Variants in SLC35F4 observed in about 807,000 individuals in gnomAD.
The protein encoded by SLC35F4 is chromosome 14 open reading frame 36.
Under a neutral mutation model 44.2 loss-of-function variants are expected in SLC35F4, and 24 were observed. The ratio of observed to expected loss-of-function variants is 0.54; its 90% CI spans 0.39 to 0.76. The LOEUF is 0.76. Ranked by LOEUF, SLC35F4 falls within the 30% of genes least tolerant of loss-of-function variation. SLC35F4 has a pLI of 0.00. For synonymous variants in SLC35F4, 238 were observed against 223.6 expected, an observed-to-expected ratio of 1.06 and a Z score of -0.57; for missense variants, 562 against 586.1, an observed-to-expected ratio of 0.96 and a Z score of 0.42.
chr14:57,886,764 A>G (rs1888657648), intron 1 of SLC35F4, among the ~76,000 whole-genome samples: 1 of 152,178 alleles, frequency 6.6e-6, no homozygotes. Context: ...GCCGAAAAAA[A>G]AAAATGGGTC....
chr14:57,905,792 C>T (rs553122460), intron 1 of SLC35F4, among the ~76,000 whole-genome samples: 50 of 151,990 alleles, frequency 3.3e-4, no homozygotes, highest in Non-Finnish European at 6.8e-4. Flanking sequence ...AGGAGGTCAA[C>T]ATGAAAAAGA....
chr14:57,696,879 G>C (rs1351349770), intron 1 of SLC35F4, among the ~76,000 whole-genome samples: 2 of 152,168 alleles, frequency 1.3e-5, no homozygotes, highest in Non-Finnish European at 2.9e-5. Flanking sequence ...GAGAACACAT[G>C]GGCACAGGGA....
intron 1 of SLC35F4, among the ~76,000 whole-genome samples, chr14:57,886,699 G>A (rs549126005): frequency 6.6e-6 from 1 of 152,136 alleles, no homozygotes; most frequent in South Asian, 2.1e-4. Context: ...ATAGCTAAAG[G>A]TAGAGGCCTC....
chr14:57,705,318 T>C (rs1293722092), intron 1 of SLC35F4, among the ~76,000 whole-genome samples: 2 of 152,186 alleles, frequency 1.3e-5, no homozygotes, highest in Non-Finnish European at 2.9e-5. Flanking sequence ...AATTCATTTA[T>C]TTAGAACAAT....
At chr14:57,586,890 T>G (rs2069779994) in intron 3 of SLC35F4, among the ~76,000 whole-genome samples, 1 of 151,570 alleles carries the variant, frequency 6.6e-6, no homozygotes, top group African/African-American at 2.4e-5. Flanking sequence ...GAAAAAAATT[T>G]TGCAATCTAC....
intron 1 of SLC35F4, among the ~76,000 whole-genome samples, chr14:57,624,095 C>G (rs2072343472): frequency 6.6e-6 from 1 of 152,026 alleles, no homozygotes; most frequent in Admixed American, 6.5e-5. Context: ...CAAATAGACA[C>G]AATAAAAAAT....
At chr14:57,583,346 C>G (rs1465903145) in intron 3 of SLC35F4, among the ~76,000 whole-genome samples, 1 of 122,084 alleles carries the variant, frequency 8.2e-6, no homozygotes, top group Non-Finnish European at 1.7e-5. Context: ...GTGGGTTTAT[C>G]CCATCATTTA....
At chr14:57,886,583 T>C (rs1282827240) in intron 1 of SLC35F4, among the ~76,000 whole-genome samples, 1 of 152,134 alleles carries the variant, frequency 6.6e-6, no homozygotes, top group Non-Finnish European at 1.5e-5. Flanking sequence ...TTTCCATCAT[T>C]CTCCTTTCCT....
intron 1 of SLC35F4, among the ~76,000 whole-genome samples, chr14:57,855,622 A>C (rs1418891030): frequency 2.6e-5 from 4 of 152,188 alleles, no homozygotes; most frequent in African/African-American, 4.8e-5. Flanking sequence ...ATTGTGGAAG[A>C]CAGTGTGGCG....
In SLC35F4 at chr14:57,600,647, C is replaced by G. The variant is rs576029632; in HGVS notation, c.104-6523G>C. 6.7e-3 allele frequency among the ~76,000 whole-genome samples: 858 copies of G among 127,660 alleles called. 7 individuals are homozygous for G. The highest frequency in any genetic ancestry group is 0.024 in the African/African-American group (800 of 33,662). The allele number at this position is 127,660 out of a possible 152,430, so 83.7% of individuals were successfully genotyped here. On this transcript the variant is annotated intron_variant, in intron 1 of 7. Transcript: ENST00000556826. Reference sequence around the variant, plus strand: ...GCGGAGCTTGCAGTGAGCCGAGATCCCGCCACTGCACTCCAGCCTGGGCGA... The same window carrying G: ...GCGGAGCTTGCAGTGAGCCGAGATCGCGCCACTGCACTCCAGCCTGGGCGA...
chr14:57,567,612 G>A (rs1427242513), intron 6 of SLC35F4, among the ~76,000 whole-genome samples: 1 of 152,142 alleles, frequency 6.6e-6, no homozygotes, highest in African/African-American at 2.4e-5. Context: ...CAAGGCAGAG[G>A]GTCTTCCTAA....
At chr14:57,894,292 T>G (rs1449092465) in intron 1 of SLC35F4, among the ~76,000 whole-genome samples, 2 of 152,056 alleles carry the variant, frequency 1.3e-5, no homozygotes, top group African/African-American at 4.8e-5. Context: ...CATGTCATGT[T>G]CCAAGAAAAT....
chr14:57,596,492 CTT>C (rs1215222401), intron 1 of SLC35F4: 2 of 342,842 alleles, frequency 5.8e-6, no homozygotes, highest in African/African-American at 2.2e-5. Flanking sequence ...CTCCAAGAGT[CTT>C]TTAAAATTTA....
chr14:57,776,619 T>C (rs1426508817), intron 1 of SLC35F4, among the ~76,000 whole-genome samples: 1 of 132,172 alleles, frequency 7.6e-6, no homozygotes, highest in Non-Finnish European at 1.5e-5. Context: ...TCAGCCAAGA[T>C]CATGCCACTG....
chr14:57,824,833 T>G, intron 1 of SLC35F4, among the ~76,000 whole-genome samples: 1 of 152,090 alleles, frequency 6.6e-6, no homozygotes, highest in African/African-American at 2.4e-5. Flanking sequence ...TAGAGGCTAT[T>G]GTAAGGATTA....
At chr14:57,982,130 G>A (rs1881400273), upstream of SLC35F4, 1 of 152,130 alleles carries the variant, frequency 6.6e-6, no homozygotes, top group Non-Finnish European at 1.5e-5. Context: ...AGCAGACACG[G>A]TCAAAAGTGG....
chr14:57,591,925 T>C (rs2070210528), intron 2 of SLC35F4, among the ~76,000 whole-genome samples: 1 of 152,208 alleles, frequency 6.6e-6, no homozygotes, highest in African/African-American at 2.4e-5. Context: ...ACCACTATAC[T>C]ATGGGTGTGC....
At position 57,597,075 on chromosome 14, in the gene SLC35F4, T is replaced by C. The variant is rs547990560; in HGVS notation, c.104-2951A>G. ...TTAATCTAAAGGCAACCCTGACAAA[T>C]ATAAACATTCAGAACATCGTCTGGG... is the stretch of plus-strand genomic sequence containing the variant. On this transcript the variant is annotated intron_variant, in intron 1 of 7. Transcript: ENST00000556826. 7.9e-5 allele frequency among the ~76,000 whole-genome samples: 12 copies of C among 152,346 alleles called. No individual in the cohort carries two copies. In the South Asian group the frequency reaches 2.3e-3, roughly 29 times the overall value.
chr14:57,587,924 G>A (rs8015716), intron 3 of SLC35F4, among the ~76,000 whole-genome samples: 21 of 149,668 alleles, frequency 1.4e-4, no homozygotes, highest in South Asian at 2.1e-4. Flanking sequence ...GCTGGCTCAC[G>A]CCTGTAATCC....
Sources: gnomAD v4.1 joint callset for allele counts (sites outside exome capture counted in the v4.1 genomes callset) on GRCh38, gnomAD v4.1.1 for gene constraint, MANE v1.5 for transcripts, NCBI Gene and HGNC (gene_info 2026-07-23, HGNC 2026-07-21) for gene names.